MAF: variants seen among roughly 807,000 people sequenced by gnomAD.
MAF encodes MAF bZIP transcription factor.
A neutral mutation model predicts 22.0 loss-of-function variants in MAF; 10 were observed. The observed-to-expected ratio is 0.45, with a 90% CI of 0.28 to 0.77. The LOEUF (loss-of-function observed/expected upper bound fraction) is 0.77, where lower values mean the gene tolerates loss of function less well. Among genes scored for constraint, MAF ranks in the 30% least tolerant of loss-of-function variants. The probability of loss-of-function intolerance (pLI) is 0.12; values close to 1 mark genes in which losing one functional copy is unlikely to be tolerated. For missense variants in MAF, 544 were observed against 548.4 expected, an observed-to-expected ratio of 0.99 and a Z score of 0.08; for synonymous variants, 337 against 255.8, an observed-to-expected ratio of 1.32 and a Z score of -3.03.
the MAF span, among the ~76,000 whole-genome samples, chr16:79,468,139 T>C: frequency 1.9e-4 from 29 of 152,140 alleles, no homozygotes. Context: ...GTTGGCTGAA[T>C]TTATTCTCCG....
At chr16:79,399,223 T>C in the MAF span, among the ~76,000 whole-genome samples, 2 of 152,314 alleles carry the variant, frequency 1.3e-5, no homozygotes, top group Admixed American at 6.5e-5. Flanking sequence ...GTTTCAGATC[T>C]ATCAAATGGG....
At chr16:79,424,999 C>G in the MAF span, among the ~76,000 whole-genome samples, 2 of 152,082 alleles carry the variant, frequency 1.3e-5, no homozygotes, top group Non-Finnish European at 2.9e-5. Flanking sequence ...CTCTGATGCT[C>G]TTTGCTTAGA....
chr16:79,451,423 C>T, the MAF span, among the ~76,000 whole-genome samples: 4 of 152,312 alleles, frequency 2.6e-5, no homozygotes, highest in African/African-American at 7.2e-5. Context: ...GACCACTTCC[C>T]TTCCCGTTTA....
chr16:79,458,398 G>A, the MAF span, among the ~76,000 whole-genome samples: 3 of 152,114 alleles, frequency 2.0e-5, no homozygotes, highest in African/African-American at 7.2e-5. Context: ...CAGAAACCAT[G>A]TGGCCCTCAG....
the MAF span, among the ~76,000 whole-genome samples, chr16:79,377,889 C>T: frequency 6.6e-6 from 1 of 152,094 alleles, no homozygotes; most frequent in Non-Finnish European, 1.5e-5. Flanking sequence ...TGGTCTATAT[C>T]TCTGTTTTGG....
At chr16:79,322,217 A>G in the MAF span, among the ~76,000 whole-genome samples, 15 of 152,232 alleles carry the variant, frequency 9.9e-5, 1 homozygote, top group African/African-American at 3.6e-4. Flanking sequence ...TGGGCAACAG[A>G]GTGAGACTTC....
chr16:79,516,120 G>A, the MAF span: 3 of 152,124 alleles, frequency 2.0e-5, no homozygotes, highest in Non-Finnish European at 4.4e-5. Flanking sequence ...CAGCAAGGCA[G>A]AGCCACTGGG....
the MAF span, among the ~76,000 whole-genome samples, chr16:79,489,485 C>T: frequency 4.6e-5 from 7 of 152,176 alleles, no homozygotes; most frequent in African/African-American, 1.7e-4. Flanking sequence ...AGAGAGCAGA[C>T]AAGCAATCTT....
At chr16:79,252,438 G>A in the MAF span, among the ~76,000 whole-genome samples, 1 of 152,056 alleles carries the variant, frequency 6.6e-6, no homozygotes, top group Non-Finnish European at 1.5e-5. Flanking sequence ...GTGGCCCATG[G>A]GCTGTCATTT....
the MAF span, among the ~76,000 whole-genome samples, chr16:79,338,426 A>C: frequency 6.6e-6 from 1 of 152,280 alleles, no homozygotes; most frequent in African/African-American, 2.4e-5. Flanking sequence ...CTTTTCTATC[A>C]TTTTTAAAGA....
chr16:79,296,151 T>C, the MAF span, among the ~76,000 whole-genome samples: 1 of 152,230 alleles, frequency 6.6e-6, no homozygotes, highest in Non-Finnish European at 1.5e-5. Flanking sequence ...TAGTAAATTC[T>C]TCCTCATAGA....
the MAF span, among the ~76,000 whole-genome samples, chr16:79,556,648 A>C: frequency 2.0e-5 from 3 of 152,328 alleles, no homozygotes; most frequent in African/African-American, 7.2e-5. Flanking sequence ...GCAGCCTTTA[A>C]AAAATGTCTC....
At chr16:79,493,264 C>T in the MAF span, among the ~76,000 whole-genome samples, 4 of 152,212 alleles carry the variant, frequency 2.6e-5, no homozygotes, top group South Asian at 2.1e-4. Flanking sequence ...CTCACTACAA[C>T]CTTTGCCTCC....
chr16:79,329,435 G>T, the MAF span, among the ~76,000 whole-genome samples: 2 of 152,110 alleles, frequency 1.3e-5, no homozygotes, highest in Non-Finnish European at 2.9e-5. Flanking sequence ...GGTAATTTTG[G>T]TTGCATTTCT....
At chr16:79,400,821 C>T in the MAF span, among the ~76,000 whole-genome samples, 4 of 152,242 alleles carry the variant, frequency 2.6e-5, no homozygotes, top group African/African-American at 9.6e-5. Context: ...CGACTTTCAA[C>T]CTTTTGTTAT....
the MAF span, among the ~76,000 whole-genome samples, chr16:79,413,404 C>T: frequency 6.5e-5 from 7 of 107,382 alleles, no homozygotes; most frequent in East Asian, 7.2e-4. Flanking sequence ...CCACCTCGCC[C>T]GGCTAATTTT....
At chr16:79,360,696 C>G in the MAF span, among the ~76,000 whole-genome samples, 8 of 152,174 alleles carry the variant, frequency 5.3e-5, no homozygotes, top group Non-Finnish European at 8.8e-5. Flanking sequence ...CAAGTTTTGT[C>G]TTTTCTGCTT....
the MAF span, among the ~76,000 whole-genome samples, chr16:79,435,408 C>A: frequency 6.6e-6 from 1 of 152,202 alleles, no homozygotes; most frequent in Non-Finnish European, 1.5e-5. Flanking sequence ...TTTAGGAAAA[C>A]AGGTACCTTC....
the MAF span, among the ~76,000 whole-genome samples, chr16:79,231,957 C>T: frequency 6.6e-6 from 1 of 152,040 alleles, no homozygotes; most frequent in East Asian, 1.9e-4. Context: ...ATTAGACTCT[C>T]ATAAGGAGCA....
Sources: allele counts gnomAD v4.1 joint callset (sites outside exome capture counted in the v4.1 genomes callset), GRCh38; gene constraint gnomAD v4.1.1; transcripts MANE v1.5; gene names NCBI Gene and HGNC (gene_info 2026-07-23, HGNC 2026-07-21).